The following ANP32E variants were observed in gnomAD, a reference collection of about 807,000 sequenced individuals.
ANP32E encodes the protein acidic leucine-rich nuclear phosphoprotein 32 family member E.
In ANP32E, 14 loss-of-function variants were observed where a neutral mutation model predicts 35.3. The observed-to-expected ratio is 0.40, with a 90% CI of 0.26 to 0.62. The LOEUF is 0.62. ANP32E is among the 20% of genes least tolerant of loss of function. The probability of loss-of-function intolerance (pLI) is 0.45; values close to 1 mark genes in which losing one functional copy is unlikely to be tolerated. For synonymous variants in ANP32E, 89 were observed against 110.4 expected (o/e 0.81, Z 1.22); for missense variants, 198 against 304.4 (o/e 0.65, Z 2.60).
At chr1:150,223,924 T>C (rs1327588931) in intron 5 of ANP32E, among the ~76,000 whole-genome samples, 6 of 151,830 alleles carry the variant, frequency 4.0e-5, no homozygotes, top group Non-Finnish European at 5.9e-5. Flanking sequence ...TTTGTATTTA[T>C]AGTAGAGACA....
intron 5 of ANP32E, 144 bp downstream of exon 5, chr1:150,226,464 A>C: frequency 1.1e-6 from 1 of 876,614 alleles, no homozygotes; most frequent in Non-Finnish European, 1.7e-6. Flanking sequence ...GGTGGAGGAC[A>C]ATGAAAAAAA....
chr1:150,229,699 A>C (rs1553841191), intron 3 of ANP32E, among the ~76,000 whole-genome samples: 3 of 152,232 alleles, frequency 2.0e-5, no homozygotes, highest in African/African-American at 7.2e-5. Context: ...GCTGGTCTCG[A>C]ACTCCTGACC....
At chr1:150,222,237 G>A (rs972916799) in intron 6 of ANP32E, among the ~76,000 whole-genome samples, 1 of 151,648 alleles carries the variant, frequency 6.6e-6, no homozygotes. Context: ...TTGCTAACAC[G>A]GTGAAACCCC....
chr1:150,232,480 T>C (rs1649437340), intron 1 of ANP32E, among the ~76,000 whole-genome samples: 1 of 25,168 alleles, frequency 4.0e-5, no homozygotes, highest in Non-Finnish European at 7.3e-4. Context: ...TTTTCTTTTT[T>C]TTTTTTTGTA....
At position 150,231,919 on chromosome 1, in the gene ANP32E, T is replaced by C; in HGVS notation, c.62A>G (p.Glu21Gly). 3 of 1,610,652 alleles carry C rather than the reference T, an allele frequency of 1.9e-6. No homozygotes were observed. Among genetic ancestry groups the C allele is most frequent in the Non-Finnish European group, 2.5e-6 (3 of 1,179,190 alleles). ...LRNRSPEEVT[E>G]LVLDNCLCVN... ...ACACAGGCAATTATCAAGGACTAAC[T>C]CTGTCACCTGTAAGAGGGAAAACAT... The change falls in exon 2 of 7, where the codon GAG becomes GGG. Residue 21 changes from glutamate (E) to glycine (G), a missense_variant. Around this residue, in one of 4 missense-constraint regions of ANP32E, gnomAD observed 35 missense variants for 47.6 expected, o/e 0.74. Coordinates refer to ENST00000583931, the MANE Select transcript of ANP32E (RefSeq NM_030920.5).
At chr1:150,226,236 T>C (rs1648867263) in intron 5 of ANP32E, among the ~76,000 whole-genome samples, 1 of 152,156 alleles carries the variant, frequency 6.6e-6, no homozygotes, top group Admixed American at 6.5e-5. Flanking sequence ...CTCGAACTCC[T>C]GACCTCATGA....
intron 6 of ANP32E, among the ~76,000 whole-genome samples, chr1:150,221,143 G>T (rs1015558805): frequency 7.4e-6 from 1 of 135,404 alleles, no homozygotes; most frequent in African/African-American, 2.8e-5. Flanking sequence ...AACGTTAATG[G>T]CAGAAGAAAA....
chr1:150,234,682 A>C (rs1166917135), intron 1 of ANP32E: 23 of 985,426 alleles, frequency 2.3e-5, no homozygotes, highest in Non-Finnish European at 2.7e-5. Context: ...GACTGACGGG[A>C]AACCCCACAC....
intron 5 of ANP32E, among the ~76,000 whole-genome samples, chr1:150,223,451 C>A (rs1157415524): frequency 2.0e-5 from 3 of 152,068 alleles, no homozygotes; most frequent in African/African-American, 7.2e-5. Flanking sequence ...GAGGCCAAGG[C>A]GGGCAGATGA....
intron 4 of ANP32E, among the ~76,000 whole-genome samples, chr1:150,227,613 C>A (rs782463599): frequency 3.6e-4 from 54 of 151,516 alleles, no homozygotes; most frequent in Non-Finnish European, 5.3e-4. Context: ...AGGAGGGTGG[C>A]TGAAGAACTA....
At position 150,218,549 on chromosome 1, in the gene ANP32E, T is replaced by C. The variant is rs587665940; in HGVS notation, c.*2142A>G. On this transcript the variant is annotated 3_prime_UTR_variant, in exon 7 of 7. Transcript: ENST00000583931. Reference sequence around the variant, plus strand: ...ATAATCAGGAGTACTGCAAATTTTTTTGTTTGTTTTTAACACTGTCATGGC... The same window carrying C: ...ATAATCAGGAGTACTGCAAATTTTTCTGTTTGTTTTTAACACTGTCATGGC... 4.6e-5 allele frequency: 7 copies of C among 152,772 alleles called. No individual in the cohort carries two copies. The highest frequency in any genetic ancestry group is 1.7e-4 in the African/African-American group (7 of 41,588). The allele number at this position is 152,772 out of a possible 1,614,324, so 9.5% of individuals were successfully genotyped here.
rs1553838042 is a variant in ANP32E, at chr1:150,221,594, G to GA, written c.737-834dup. ...GGAGAGTGGGAGGAAGGGAGGGAGG[G>GA]AGGGAGGGAGGGAAGGAAGGAAGGA... On this transcript the variant is annotated intron_variant, in intron 6 of 6. Transcript: ENST00000583931. Among the ~76,000 whole-genome samples, 140 of 73,352 alleles carry GA rather than the reference G, an allele frequency of 1.9e-3. 16 individuals carry two copies. In the Middle Eastern group the frequency reaches 0.021, roughly 11 times the overall value. 48.1% of individuals were successfully genotyped at this position (73,352 alleles called of 152,430 possible). A position where few individuals can be genotyped will look rare whatever the true frequency, so the allele number is the denominator to read the frequency against.
At chr1:150,221,310 G>T (rs1215108241) in intron 6 of ANP32E, among the ~76,000 whole-genome samples, 2 of 150,098 alleles carry the variant, frequency 1.3e-5, no homozygotes, top group African/African-American at 4.9e-5. Flanking sequence ...ATGGTGGCAG[G>T]TGCCTGTAGT....
At chr1:150,234,576 T>TA (rs1649625971) in intron 1 of ANP32E, 12 of 985,442 alleles carry the variant, frequency 1.2e-5, no homozygotes, top group Non-Finnish European at 1.4e-5. Context: ...ACAACTCCCT[T>TA]ACGTTCCAAT....
rs1649756664 is a variant in ANP32E at position 150,236,050 on chromosome 1, A to G, written c.-264T>C. On this transcript the variant is annotated 5_prime_UTR_variant, in exon 1 of 7. An upstream start codon of the reference 5' UTR is lost. Transcript: ENST00000583931. ...CACACGCACGCACGCGCGCACACAC[A>G]TACACACACACATACACACACACAC... 1 of 493,166 alleles carries G rather than the reference A, an allele frequency of 2.0e-6. No homozygotes were observed. The highest frequency in any genetic ancestry group is 3.7e-6 in the Non-Finnish European group (1 of 270,976). 30.5% of individuals were successfully genotyped at this position (493,166 alleles called of 1,614,324 possible).
chr1:150,228,491 A>T (rs1250736728), intron 4 of ANP32E, among the ~76,000 whole-genome samples: 3 of 152,118 alleles, frequency 2.0e-5, no homozygotes, highest in Non-Finnish European at 4.4e-5. Context: ...GCAGTTCGAG[A>T]CCAGCCTGAC....
In ANP32E at chr1:150,235,474, C is replaced by G. The variant is rs1284280856; in HGVS notation, c.54+259G>C. ...GCTTCCCGCCCCCACGAGGTCAGGACGCCCGACTCGATGAAAGCCGAAAGG... is the reference window on the plus strand; with the variant it reads ...GCTTCCCGCCCCCACGAGGTCAGGAGGCCCGACTCGATGAAAGCCGAAAGG... On this transcript the variant is annotated intron_variant, in intron 1 of 6. Coordinates refer to ENST00000583931, the MANE Select transcript of ANP32E (RefSeq NM_030920.5). The surrounding 1 kb of genome is among the most constrained non-coding windows in gnomAD (Gnocchi z 4.2). 6.6e-6 allele frequency among the ~76,000 whole-genome samples: 1 copy of G among 152,232 alleles called. No individual in the cohort carries two copies. The highest frequency in any genetic ancestry group is 1.5e-5 in the Non-Finnish European group (1 of 68,038).
rs1000137629 is a variant in ANP32E at position 150,235,405 on chromosome 1, G to A, written c.54+328C>T. ...GCGCCCACGCCGCCGGCCCCCAGGA[G>A]GAGGAGTGCCGGGAGCGAAGCGGCG... On this transcript the variant is annotated intron_variant, in intron 1 of 6. Transcript: ENST00000583931. The surrounding 1 kb of genome is among the most constrained non-coding windows in gnomAD (Gnocchi z 4.2). Among the ~76,000 whole-genome samples, 2 of 152,196 alleles carry A rather than the reference G, an allele frequency of 1.3e-5. No homozygotes were observed. Among genetic ancestry groups the A allele is most frequent in the African/African-American group, 4.8e-5 (2 of 41,458 alleles).
Position 150,218,540 on chromosome 1 carries a change from C to T in ANP32E, c.*2151G>A, listed in dbSNP as rs1648099341. On this transcript the variant is annotated 3_prime_UTR_variant, in exon 7 of 7. Transcript: ENST00000583931. ...AATAAAAGAATAATCAGGAGTACTG[C>T]AAATTTTTTTGTTTGTTTTTAACAC... 1 of 152,542 alleles carries T rather than the reference C, an allele frequency of 6.6e-6. No homozygotes were observed. The highest frequency in any genetic ancestry group is 1.5e-5 in the Non-Finnish European group (1 of 68,016). 9.4% of individuals were successfully genotyped at this position (152,542 alleles called of 1,614,324 possible).
Sources: allele counts gnomAD v4.1 joint callset (sites outside exome capture counted in the v4.1 genomes callset), GRCh38; gene constraint gnomAD v4.1.1; regional missense constraint gnomAD v4.1.1; non-coding constraint Gnocchi (gnomAD v3.1); transcripts MANE v1.5; gene names NCBI Gene and HGNC (gene_info 2026-07-23, HGNC 2026-07-21).